Variants in AGMO observed in about 807,000 individuals in gnomAD.
AGMO encodes glyceryl-ether monooxygenase.
In AGMO, 75 loss-of-function variants were observed where a neutral mutation model predicts 60.2. The ratio of observed to expected loss-of-function variants is 1.25; its 90% CI spans 1.03 to 1.51. The LOEUF (loss-of-function observed/expected upper bound fraction) is 1.51. Ranked by LOEUF, AGMO falls within the 40% of genes most tolerant of loss-of-function variation. AGMO has a pLI of 0.00. For missense variants in AGMO, 763 were observed against 525.5 expected, an observed-to-expected ratio of 1.45 and a Z score of -4.42; for synonymous variants, 261 against 177.1, an observed-to-expected ratio of 1.47 and a Z score of -3.76.
chr7:15,216,833 A>AGAGT (rs1554396206), intron 12 of AGMO, among the ~76,000 whole-genome samples: 1 of 147,024 alleles, frequency 6.8e-6, no homozygotes, highest in Non-Finnish European at 1.5e-5. Context: ...TGAAAGAAAA[A>AGAGT]GTGTGTGTGT....
intron 12 of AGMO, among the ~76,000 whole-genome samples, chr7:15,337,008 A>C (rs1781685942): frequency 6.6e-6 from 1 of 152,178 alleles, no homozygotes; most frequent in African/African-American, 2.4e-5. Context: ...GGGCACTCAA[A>C]CGTATGTAAC....
chr7:15,270,369 T>C (rs950219828), intron 12 of AGMO, among the ~76,000 whole-genome samples: 2 of 152,070 alleles, frequency 1.3e-5, no homozygotes, highest in Admixed American at 6.6e-5. Flanking sequence ...ATTTCTCTGA[T>C]GATCTATGAT....
chr7:15,444,556 T>C (rs890829208), intron 3 of AGMO, among the ~76,000 whole-genome samples: 2 of 152,226 alleles, frequency 1.3e-5, no homozygotes, highest in Non-Finnish European at 2.9e-5. Flanking sequence ...TGATCACTTC[T>C]TCTGTTTTGA....
intron 1 of AGMO, 53 bp downstream of exon 1, chr7:15,561,667 A>G: frequency 6.6e-7 from 1 of 1,506,120 alleles, no homozygotes; most frequent in Non-Finnish European, 9.0e-7. Context: ...TGACCTTACC[A>G]TTTATTAAGA....
chr7:15,277,350 TAAA>T (rs1243425822), intron 12 of AGMO, among the ~76,000 whole-genome samples: 2 of 116,118 alleles, frequency 1.7e-5, no homozygotes, highest in Non-Finnish European at 3.7e-5. Context: ...AATAAATAAA[TAAA>T]TTATGTGTCA....
At chr7:15,182,094 A>G in the AGMO span, among the ~76,000 whole-genome samples, 1 of 152,240 alleles carries the variant, frequency 6.6e-6, no homozygotes, top group African/African-American at 2.4e-5. Flanking sequence ...GAAATAAGCC[A>G]GTCAAAAAAA....
intron 4 of AGMO, among the ~76,000 whole-genome samples, chr7:15,421,731 A>G (rs1562498806): frequency 6.6e-6 from 1 of 152,106 alleles, no homozygotes; most frequent in Non-Finnish European, 1.5e-5. Flanking sequence ...GTGTATGTCC[A>G]GGAGGCTATT....
At chr7:15,359,291 CAAAAAA>C (rs398003765) in intron 12 of AGMO, among the ~76,000 whole-genome samples, 1 of 115,144 alleles carries the variant, frequency 8.7e-6, no homozygotes, top group Non-Finnish European at 1.9e-5. Flanking sequence ...TCCGTCTCAA[CAAAAAA>C]AAAAAAAAAA....
At position 15,550,653 on chromosome 7, in the gene AGMO, G is replaced by T. The variant is rs1471799238; in HGVS notation, c.258-5730C>A. Among the ~76,000 whole-genome samples the T allele has an allele frequency of 2.0e-5, 3 of 150,644 alleles. No individual in the cohort carries two copies. In the East Asian group the frequency reaches 5.9e-4, roughly 30 times the overall value. ...ATCTCTGAATAGACCAATAACAGGA[G>T]CTGAAATTCTGGCAATAATCAATAG... is the stretch of plus-strand genomic sequence containing the variant. On this transcript the variant is annotated intron_variant, in intron 2 of 12. Transcript: ENST00000342526.
At chr7:15,203,643 G>C (rs1000231941) in intron 12 of AGMO, among the ~76,000 whole-genome samples, 1 of 151,922 alleles carries the variant, frequency 6.6e-6, no homozygotes, top group Non-Finnish European at 1.5e-5. Context: ...GGCCAGCACT[G>C]TCCCACATGC....
At chr7:15,268,615 T>A (rs1043859719) in intron 12 of AGMO, among the ~76,000 whole-genome samples, 2 of 151,952 alleles carry the variant, frequency 1.3e-5, no homozygotes, top group Non-Finnish European at 2.9e-5. Flanking sequence ...AGTGGATACA[T>A]TGAGTGTGGA....
At chr7:15,499,107 T>C (rs958278795) in intron 3 of AGMO, among the ~76,000 whole-genome samples, 110 of 151,990 alleles carry the variant, frequency 7.2e-4, no homozygotes, top group African/African-American at 2.6e-3. Flanking sequence ...AAGAAGATCA[T>C]TGTGAAGTGA....
At position 15,455,278 on chromosome 7, in the gene AGMO, T is replaced by C. The variant is rs191856874; in HGVS notation, c.410-24170A>G. ...CACATTTGGTTTATGTTGGTTTGTT[T>C]CTTCTCTACAATCTATCATTAGTTT... On this transcript the variant is annotated intron_variant, in intron 3 of 12. Transcript: ENST00000342526. Among the ~76,000 whole-genome samples, 103 of 152,272 alleles carry C rather than the reference T, an allele frequency of 6.8e-4. 1 individual carries two copies. Among genetic ancestry groups the C allele is most frequent in the African/African-American group, 2.4e-3 (98 of 41,570 alleles).
intron 5 of AGMO, among the ~76,000 whole-genome samples, chr7:15,399,430 G>A (rs1784497383): frequency 6.6e-6 from 1 of 152,168 alleles, no homozygotes; most frequent in South Asian, 2.1e-4. Flanking sequence ...TTACAGATAA[G>A]TAAAACCTGA....
At chr7:15,320,312 T>A (rs1649465479) in intron 12 of AGMO, among the ~76,000 whole-genome samples, 1 of 151,948 alleles carries the variant, frequency 6.6e-6, no homozygotes, top group African/African-American at 2.4e-5. Flanking sequence ...TGTATCCTAA[T>A]GCAACTGAAG....
intron 5 of AGMO, among the ~76,000 whole-genome samples, chr7:15,406,975 T>C (rs1268263042): frequency 7.0e-6 from 1 of 142,830 alleles, no homozygotes; most frequent in Non-Finnish European, 1.5e-5. Context: ...TAAGTACACA[T>C]GTACACATGT....
the AGMO span, among the ~76,000 whole-genome samples, chr7:15,133,230 A>G: frequency 3.9e-5 from 6 of 152,196 alleles, no homozygotes; most frequent in African/African-American, 1.4e-4. Flanking sequence ...CAAGCAGTGC[A>G]ATAACCTATT....
the AGMO span, among the ~76,000 whole-genome samples, chr7:15,173,149 A>G: frequency 6.6e-6 from 1 of 152,150 alleles, no homozygotes; most frequent in African/African-American, 2.4e-5. Flanking sequence ...GTTGAAGTAA[A>G]TCTATTGAAT....
chr7:15,398,689 T>G (rs1388899484), intron 5 of AGMO, among the ~76,000 whole-genome samples: 1 of 152,134 alleles, frequency 6.6e-6, no homozygotes, highest in Admixed American at 6.6e-5. Flanking sequence ...GCAATTCTCA[T>G]TTTTAGAAGT....
Sources: gnomAD v4.1 joint callset for allele counts (sites outside exome capture counted in the v4.1 genomes callset) on GRCh38, gnomAD v4.1.1 for gene constraint, MANE v1.5 for transcripts, NCBI Gene and HGNC (gene_info 2026-07-23, HGNC 2026-07-21) for gene names.